The following KRT6B variants were observed in gnomAD, a reference collection of about 807,000 sequenced individuals.
KRT6B encodes the protein keratin, type II cytoskeletal 6B.
Under a neutral mutation model 44.7 loss-of-function variants are expected in KRT6B, and 29 were observed. The ratio of observed to expected loss-of-function variants is 0.65; its 90% CI spans 0.48 to 0.88. The LOEUF (loss-of-function observed/expected upper bound fraction) is 0.88. Ranked by LOEUF, KRT6B falls within the 40% of genes least tolerant of loss-of-function variation. The pLI is 0.00. For synonymous variants in KRT6B, 213 were observed against 296.0 expected, an observed-to-expected ratio of 0.72 and a Z score of 2.88; for missense variants, 600 against 724.0, an observed-to-expected ratio of 0.83 and a Z score of 1.97.
chr12:52,446,767 G>T lies in KRT6B; in HGVS notation c.*423C>A, dbSNP rs73308613. On this transcript the variant is annotated 3_prime_UTR_variant, in exon 9 of 9. Coordinates refer to ENST00000252252, the MANE Select transcript of KRT6B (RefSeq NM_005555.4). ...ACATCACTTGCCATTCAGGGACACTGCAAGAGAAGATCAGGACAACTGACT... is the reference window on the plus strand; with the variant it reads ...ACATCACTTGCCATTCAGGGACACTTCAAGAGAAGATCAGGACAACTGACT... 0.015 allele frequency: 3,729 copies of T among 250,968 alleles called. 149 individuals carry two copies. Among genetic ancestry groups the T allele is most frequent in the African/African-American group, 0.078 (3,514 of 45,216 alleles). The allele number at this position is 250,968 out of a possible 1,614,324, so 15.5% of individuals were successfully genotyped here.
Position 52,450,111 on chromosome 12 carries a change from G to A in KRT6B, c.756-39C>T, listed in dbSNP as rs558516752. ...GGCATGGGACACATTTGAGCCAGTG[G>A]GTAGGATGAAACAGAAAAGCAGCTT... On this transcript the variant is annotated intron_variant, in intron 2 of 8. Coordinates refer to ENST00000252252, the MANE Select transcript of KRT6B (RefSeq NM_005555.4). The A allele has an allele frequency of 1.3e-5, 21 of 1,613,752 alleles. No homozygotes were observed. In the East Asian group the frequency reaches 4.2e-4, roughly 33 times the overall value.
chr12:52,448,065 T>G (rs1381901234), intron 6 of KRT6B, 67 bp from the exon 7 acceptor site: 1 of 1,606,294 alleles, frequency 6.2e-7, no homozygotes, highest in Non-Finnish European at 8.5e-7. Context: ...ACCTGGCTGG[T>G]TCTTTTCCAG....
Position 52,449,664 on chromosome 12 carries a change from C to T in KRT6B, c.913-31G>A, listed in dbSNP as rs747204937. ...GAACAGAAGGTCATAAGATCAACTT[C>T]ACTTCTGACATTTACAGAGATGCCC... On this transcript the variant is annotated intron_variant, in intron 4 of 8. Transcript: ENST00000252252. 6 of 1,614,230 alleles carry T rather than the reference C, an allele frequency of 3.7e-6. No individual in the cohort carries two copies. In the East Asian group the frequency reaches 8.9e-5, roughly 24 times the overall value.
Position 52,447,948 on chromosome 12 carries a change from C to A in KRT6B, c.1254G>T (p.Met418Ile), listed in dbSNP as rs1350148800. 6.2e-7 allele frequency: 1 copy of A among 1,614,042 alleles called. No homozygotes were observed. Among genetic ancestry groups the A allele is most frequent in the Non-Finnish European group, 8.5e-7 (1 of 1,180,030 alleles). Residue 418 changes from methionine to isoleucine, a missense_variant, in exon 7 of 9, where the codon ATG becomes ATT. By Grantham distance (10) the Met-to-Ile change is conservative. Transcript: ENST00000252252. ...AIADAEQRGE[M>I]ALKDAKNKLE... ...GCTTGTTCTTAGCATCCTTGAGGGCCATCTCCCCACGCTGCTCAGCATCAG... is the reference window on the plus strand; with the variant it reads ...GCTTGTTCTTAGCATCCTTGAGGGCAATCTCCCCACGCTGCTCAGCATCAG...
chr12:52,450,216 A>G (rs1301868179), intron 2 of KRT6B, 144 bp from the exon 3 acceptor site: 2 of 1,537,328 alleles, frequency 1.3e-6, no homozygotes, highest in African/African-American at 1.4e-5. Context: ...GAATTTTGCT[A>G]CTACTAAATT....
rs1592170080 is a variant in KRT6B, at chr12:52,449,563, A to G, written c.983T>C (p.Leu328Pro). 6.2e-7 allele frequency: 1 copy of G among 1,614,210 alleles called. No individual in the cohort carries two copies. Among genetic ancestry groups the G allele is most frequent in the Non-Finnish European group, 8.5e-7 (1 of 1,180,046 alleles). The change falls in exon 5 of 9, where the codon CTG becomes CCG. Residue 328 changes from leucine to proline, a missense_variant. By Grantham distance (98) the Leu-to-Pro change is moderately conservative (BLOSUM62 -3). Transcript: ENST00000252252. Reference protein sequence around the residue: ...VVLSMDNNRNLDLDSIIAEVK... With the variant: ...VVLSMDNNRNPDLDSIIAEVK... The stretch of plus-strand genomic sequence containing the variant: ...CTCAGCGATGATGCTGTCCAGGTCC[A>G]GGTTGCGGTTGTTGTCCATGGATAG...
Position 52,452,061 on chromosome 12 carries a change from G to A in KRT6B, c.18C>T (p.Thr6=), listed in dbSNP as rs1405833052. 3.1e-6 allele frequency: 5 copies of A among 1,614,142 alleles called. No individual in the cohort carries two copies. In the South Asian group the frequency reaches 3.3e-5, roughly 11 times the overall value. MASTS[T]TIRSHSSSRR... ...GGCTGCTGCTGTGGCTCCTGATGGT[G>A]GTGGATGTGCTGGCCATGGTTCCAG... is the stretch of plus-strand genomic sequence containing the variant. The change falls in exon 1 of 9, where the codon ACC becomes ACT. Residue 6 remains threonine (T), a synonymous_variant. Coordinates refer to ENST00000252252, the MANE Select transcript of KRT6B (RefSeq NM_005555.4).
At chr12:52,450,108 G>C (rs761725355) in intron 2 of KRT6B, 36 bp from the exon 3 acceptor site, 9 of 1,613,918 alleles carry the variant, frequency 5.6e-6, no homozygotes, top group Non-Finnish European at 7.6e-6. Context: ...ATTTGAGCCA[G>C]TGGGTAGGAT....
intron 1 of KRT6B, among the ~76,000 whole-genome samples, 195 bp from the exon 2 acceptor site, chr12:52,450,815 C>T (rs1940391997): frequency 1.3e-5 from 2 of 152,370 alleles, no homozygotes; most frequent in East Asian, 3.9e-4. Context: ...GAAATTGTCC[C>T]ACGGACCACT....
In KRT6B at chr12:52,449,466, C is replaced by T. The variant is rs766939167; in HGVS notation, c.1077+3G>A. ...CCTCAGCGGCTGTCCACTCCGTGCTCACCTTTGTCTGGTACCAGGACTCAG... is the reference window on the plus strand; with the variant it reads ...CCTCAGCGGCTGTCCACTCCGTGCTTACCTTTGTCTGGTACCAGGACTCAG... On this transcript the variant is annotated splice_donor_region_variant and intron_variant, in intron 5 of 8. Coordinates refer to ENST00000252252, the MANE Select transcript of KRT6B (RefSeq NM_005555.4). 3 of 1,614,102 alleles carry T rather than the reference C, an allele frequency of 1.9e-6. No individual in the cohort carries two copies. Among genetic ancestry groups the T allele is most frequent in the Non-Finnish European group, 2.5e-6 (3 of 1,180,052 alleles).
At position 52,450,460 on chromosome 12, in the gene KRT6B, C is replaced by A. The variant is rs756538750; in HGVS notation, c.701G>T (p.Arg234Leu). 1.2e-6 allele frequency: 2 copies of A among 1,614,168 alleles called. No individual in the cohort carries two copies. The highest frequency in any genetic ancestry group is 1.7e-6 in the Non-Finnish European group (2 of 1,180,034). ...QLDNIVGERGRLDSELRNMQD... is the reference protein window; with the variant it reads ...QLDNIVGERGLLDSELRNMQD... ...CATGTTTCTCAGCTCCGAGTCCAGA[C>A]GACCCCGTTCCCCCACGATGTTGTC... The change falls in exon 2 of 9, where the codon CGT (arginine) becomes CTT (leucine). Residue 234 changes from arginine (R) to leucine (L), a missense_variant. By Grantham distance (102) the Arg-to-Leu change is moderately radical. This residue lies in a region of KRT6B where 479 missense variants were observed against 454.2 expected (regional missense o/e 1.05). Transcript: ENST00000252252.
At position 52,446,977 on chromosome 12, in the gene KRT6B, C is replaced by T. The variant is rs921515234; in HGVS notation, c.*213G>A. 32 of 617,944 alleles carry T rather than the reference C, an allele frequency of 5.2e-5. No homozygotes were observed. The highest frequency in any genetic ancestry group is 2.3e-4 in the South Asian group (11 of 47,918). 38.3% of individuals were successfully genotyped at this position (617,944 alleles called of 1,614,324 possible). ...TAATACGGGAACTAAAAAGGACATT[C>T]GCATGTCTGAGTGCTGATAACTGTT... is the stretch of plus-strand genomic sequence containing the variant. On this transcript the variant is annotated 3_prime_UTR_variant, in exon 9 of 9. Coordinates refer to ENST00000252252, the MANE Select transcript of KRT6B (RefSeq NM_005555.4).
chr12:52,447,136 C>T lies in KRT6B; in HGVS notation c.*54G>A. On this transcript the variant is annotated 3_prime_UTR_variant, in exon 9 of 9. Coordinates refer to ENST00000252252, the MANE Select transcript of KRT6B (RefSeq NM_005555.4). Reference sequence around the variant, plus strand: ...GGACAAGCAACCTGAGGAGAGGGCTCTGCTGCCAGAGAGGGGCCTGAGAGC... The same window carrying T: ...GGACAAGCAACCTGAGGAGAGGGCTTTGCTGCCAGAGAGGGGCCTGAGAGC... 6.2e-7 allele frequency: 1 copy of T among 1,608,200 alleles called. No individual in the cohort carries two copies. Among genetic ancestry groups the T allele is most frequent in the Non-Finnish European group, 8.5e-7 (1 of 1,177,136 alleles).
chr12:52,446,894 C>A lies in KRT6B; in HGVS notation c.*296G>T, dbSNP rs977181847. On this transcript the variant is annotated 3_prime_UTR_variant, in exon 9 of 9. Coordinates refer to ENST00000252252, the MANE Select transcript of KRT6B (RefSeq NM_005555.4). ...GCTGGACCTAGACTGAGTTTCAGTT[C>A]TTATGGGGATATAGGTCATTTTCTT... The A allele has an allele frequency of 6.3e-6, 3 of 475,912 alleles. No individual in the cohort carries two copies. 29.5% of individuals were successfully genotyped at this position (475,912 alleles called of 1,614,324 possible). A position where few individuals can be genotyped will look rare whatever the true frequency, so the allele number is the denominator to read the frequency against.
In KRT6B at chr12:52,450,582, G is replaced by T. The variant is rs764857770; in HGVS notation, c.579C>A (p.Thr193=). The T allele has an allele frequency of 9.9e-6, 16 of 1,614,076 alleles. No individual in the cohort carries two copies. The highest frequency in any genetic ancestry group is 5.0e-5 in the Admixed American group (3 of 60,010). The change falls in exon 2 of 9, where the codon ACC becomes ACA. Residue 193 remains threonine, a synonymous_variant. Coordinates refer to ENST00000252252, the MANE Select transcript of KRT6B (RefSeq NM_005555.4). ...CCTGCTCCTGCAGCAGGGTCCACTTGGTGTCCAGAACCTTGTTCTGCTGCT... is the reference window on the plus strand; with the variant it reads ...CCTGCTCCTGCAGCAGGGTCCACTTTGTGTCCAGAACCTTGTTCTGCTGCT... ...FLEQQNKVLD[T]KWTLLQEQGT...
rs762976356 is a variant in KRT6B at position 52,450,020 on chromosome 12, G to T, written c.808C>A (p.Leu270Met). Residue 270 changes from leucine (L) to methionine (M), a missense_variant, in exon 3 of 9, where the codon CTG becomes ATG. By Grantham distance (15) the Leu-to-Met change is conservative. Coordinates refer to ENST00000252252, the MANE Select transcript of KRT6B (RefSeq NM_005555.4). ...RTAAENEFVTLKKDVDAAYMN... is the reference protein window; with the variant it reads ...RTAAENEFVTMKKDVDAAYMN... ...TGGCTTCATCTGCTCACCTTCTTCA[G>T]AGTCACAAATTCATTCTCTGCTGCT... 1 of 1,613,952 alleles carries T rather than the reference G, an allele frequency of 6.2e-7. No individual in the cohort carries two copies. Among genetic ancestry groups the T allele is most frequent in the Non-Finnish European group, 8.5e-7 (1 of 1,179,862 alleles).
chr12:52,451,502 C>A, intron 1 of KRT6B, 37 bp downstream of exon 1: 1 of 1,613,414 alleles, frequency 6.2e-7, no homozygotes, highest in East Asian at 2.2e-5. Flanking sequence ...GTCTGGGGAC[C>A]CTGAAGTGCC....
At position 52,447,833 on chromosome 12, in the gene KRT6B, C is replaced by T; in HGVS notation, c.1369G>A (p.Ala457Thr). 2 of 1,614,174 alleles carry T rather than the reference C, an allele frequency of 1.2e-6. No individual in the cohort carries two copies. The highest frequency in any genetic ancestry group is 2.2e-5 in the South Asian group (2 of 91,082). Residue 457 changes from alanine to threonine, a missense_variant, in exon 7 of 9, where the codon GCC (alanine) becomes ACC (threonine). Physicochemically the swap from Ala to Thr is moderately conservative, Grantham distance 58 (BLOSUM62 0). Transcript: ENST00000252252. ...TAGGTGGCGATCTCCACATCCAGGG[C>T]CAGCTTGACGTTCATCAGCTCCTGG... Reference protein sequence around the residue: ...EYQELMNVKLALDVEIATYRK... With the variant: ...EYQELMNVKLTLDVEIATYRK...
intron 2 of KRT6B, 152 bp downstream of exon 2, chr12:52,450,254 C>T: frequency 1.4e-6 from 2 of 1,431,668 alleles, no homozygotes; most frequent in Middle Eastern, 1.7e-4. Flanking sequence ...CCCCATCCTC[C>T]CATAACCATC....
Sources: allele counts gnomAD v4.1 joint callset (sites outside exome capture counted in the v4.1 genomes callset), GRCh38; gene constraint gnomAD v4.1.1; regional missense constraint gnomAD v4.1.1; transcripts MANE v1.5; gene names NCBI Gene and HGNC (gene_info 2026-07-23, HGNC 2026-07-21).